The following MPDZ variants were observed in gnomAD, a reference collection of about 807,000 sequenced individuals.
MPDZ encodes the protein multiple PDZ domain crumbs cell polarity complex component.
A neutral mutation model predicts 239.1 loss-of-function variants in MPDZ; 234 were observed. The observed-to-expected ratio is 0.98, with a 90% confidence interval of 0.88 to 1.09. MPDZ has a LOEUF of 1.09. MPDZ is among the 50% of genes least tolerant of loss of function. The pLI, the probability that MPDZ is intolerant of heterozygous loss-of-function variation, is 0.00. For synonymous variants in MPDZ, 1,048 were observed against 881.3 expected (o/e 1.19, Z -3.35); for missense variants, 3,175 against 2,510.0 (o/e 1.26, Z -5.66).
At position 13,205,939 on chromosome 9, in the gene MPDZ, G is replaced by A. The variant is rs1956936426; in HGVS notation, c.1451C>T (p.Pro484Leu). The A allele has an allele frequency of 1.2e-6, 2 of 1,605,222 alleles. No homozygotes were observed. The highest frequency in any genetic ancestry group is 1.7e-6 in the Non-Finnish European group (2 of 1,176,026). The change falls in exon 11 of 47, where the codon CCT becomes CTT. Residue 484 changes from proline (P) to leucine (L), a missense_variant. Pro to Leu is a moderately conservative substitution (Grantham distance 98). Coordinates refer to ENST00000319217, the MANE Select transcript of MPDZ (RefSeq NM_001378778.1). ...ACCTTTGATTATGCTGGCATTAACA[G>A]GAGACAAATCTGCATCTTTTGTGAC... ...EDVTKDADLS[P>L]VNASIIKENY...
intron 3 of MPDZ, among the ~76,000 whole-genome samples, chr9:13,234,284 T>G (rs557249964): frequency 1.4e-4 from 21 of 152,218 alleles, no homozygotes; most frequent in African/African-American, 4.6e-4. Flanking sequence ...CATATATTCA[T>G]TTAACTAAAT....
intron 22 of MPDZ, among the ~76,000 whole-genome samples, chr9:13,163,998 G>A (rs1272080373): frequency 6.6e-6 from 1 of 152,152 alleles, no homozygotes; most frequent in African/African-American, 2.4e-5. Flanking sequence ...CACCACTGCT[G>A]AACCTCCATA....
At chr9:13,158,140 C>CA in intron 23 of MPDZ, 30 bp from the exon 24 acceptor site, 3 of 1,562,952 alleles carry the variant, frequency 1.9e-6, no homozygotes, top group Non-Finnish European at 2.6e-6. Flanking sequence ...ATGAGTACCC[C>CA]AAAATCCTAG....
chr9:13,123,375 G>C (rs1456913117), intron 35 of MPDZ, 77 bp from the exon 36 acceptor site: 3 of 1,268,562 alleles, frequency 2.4e-6, no homozygotes, highest in Non-Finnish European at 2.2e-6. Context: ...CACACAGATT[G>C]ACTCTGAGGG....
intron 4 of MPDZ, 44 bp from the exon 5 acceptor site, chr9:13,223,754 A>G (rs1959575936): frequency 6.5e-7 from 1 of 1,533,298 alleles, no homozygotes; most frequent in Non-Finnish European, 8.8e-7. Flanking sequence ...AAGCCAGGCC[A>G]TGCATGGTGG....
At chr9:13,212,248 G>C (rs951215477) in intron 10 of MPDZ, among the ~76,000 whole-genome samples, 4 of 151,668 alleles carry the variant, frequency 2.6e-5, no homozygotes, top group African/African-American at 7.3e-5. Context: ...TCAAATGACA[G>C]AGAATAATAC....
chr9:13,214,917 C>T (rs756680742), intron 10 of MPDZ, among the ~76,000 whole-genome samples: 7 of 151,804 alleles, frequency 4.6e-5, no homozygotes, highest in African/African-American at 1.2e-4. Flanking sequence ...AGAAGACTCA[C>T]GGAGTTATAA....
intron 12 of MPDZ, among the ~76,000 whole-genome samples, chr9:13,204,174 T>C (rs1053414960): frequency 6.6e-6 from 1 of 152,170 alleles, no homozygotes; most frequent in African/African-American, 2.4e-5. Flanking sequence ...AGATCAGTCT[T>C]GTATTCTGTT....
At chr9:13,133,768 A>G in intron 32 of MPDZ, 56 bp downstream of exon 32, 1 of 1,243,638 alleles carries the variant, frequency 8.0e-7, no homozygotes, top group Non-Finnish European at 1.2e-6. Flanking sequence ...ACAGTGAATT[A>G]GAACACTGAG....
rs1217138830 is a variant in MPDZ at position 13,241,831 on chromosome 9, A to C, written c.183+5804T>G. Among the ~76,000 whole-genome samples the C allele has an allele frequency of 2.6e-5, 4 of 152,202 alleles. No individual in the cohort carries two copies. In the South Asian group the frequency reaches 8.3e-4, roughly 32 times the overall value. On this transcript the variant is annotated intron_variant, in intron 3 of 46. Coordinates refer to ENST00000319217, the MANE Select transcript of MPDZ (RefSeq NM_001378778.1). ...GGCCATGAACTCTTCGCAGTCGTAC[A>C]AATCTGTATCTACAGAATAAAGACT...
intron 25 of MPDZ, among the ~76,000 whole-genome samples, chr9:13,149,099 TAA>T (rs967000023): frequency 1.3e-5 from 2 of 151,786 alleles, no homozygotes; most frequent in Admixed American, 6.6e-5. Flanking sequence ...GTGTCCTAAA[TAA>T]AAGAGTTCGT....
intron 18 of MPDZ, among the ~76,000 whole-genome samples, chr9:13,184,677 C>G (rs568509050): frequency 3.3e-5 from 5 of 151,832 alleles, no homozygotes; most frequent in African/African-American, 9.7e-5. Context: ...ATTAACTAAG[C>G]CTTGTGTCAT....
chr9:13,105,999 A>C lies in MPDZ; in HGVS notation c.*966T>G, dbSNP rs1008958324. 1 of 152,162 alleles carries C rather than the reference A, an allele frequency of 6.6e-6. No individual in the cohort carries two copies. The highest frequency in any genetic ancestry group is 2.4e-5 in the African/African-American group (1 of 41,442). 9.4% of individuals were successfully genotyped at this position (152,162 alleles called of 1,614,324 possible). A position where few individuals can be genotyped will look rare whatever the true frequency, so the allele number is the denominator to read the frequency against. On this transcript the variant is annotated 3_prime_UTR_variant, in exon 47 of 47. Transcript: ENST00000319217. Reference sequence around the variant, plus strand: ...TTATGTTAATCCCCTTAATTTTTCTATCAATTTACTAATGGCATACAACCA... The same window carrying C: ...TTATGTTAATCCCCTTAATTTTTCTCTCAATTTACTAATGGCATACAACCA...
At chr9:13,178,561 G>A (rs1460570669) in intron 19 of MPDZ, among the ~76,000 whole-genome samples, 2 of 152,114 alleles carry the variant, frequency 1.3e-5, no homozygotes, top group Non-Finnish European at 2.9e-5. Context: ...ATGCAATTCA[G>A]TTCTAATCAC....
chr9:13,181,830 C>T (rs1037745747), intron 19 of MPDZ, among the ~76,000 whole-genome samples: 3 of 152,148 alleles, frequency 2.0e-5, no homozygotes, highest in Non-Finnish European at 4.4e-5. Flanking sequence ...AAGACGTGTG[C>T]TATGCTGTGG....
intron 23 of MPDZ, among the ~76,000 whole-genome samples, chr9:13,159,245 A>C (rs561112884): frequency 6.6e-6 from 1 of 152,198 alleles, no homozygotes. Flanking sequence ...CTTGGACCTG[A>C]ATGTTAAGTT....
chr9:13,231,544 C>G (rs894411068), intron 3 of MPDZ, among the ~76,000 whole-genome samples: 1 of 151,870 alleles, frequency 6.6e-6, no homozygotes, highest in Non-Finnish European at 1.5e-5. Flanking sequence ...TGACAAAGAG[C>G]AACTCTATTT....
intron 19 of MPDZ, among the ~76,000 whole-genome samples, chr9:13,179,228 G>A (rs1952944513): frequency 6.6e-6 from 1 of 152,052 alleles, no homozygotes; most frequent in African/African-American, 2.4e-5. Context: ...ATAACCTGTT[G>A]GCTCCCTCAC....
intron 19 of MPDZ, among the ~76,000 whole-genome samples, chr9:13,178,743 T>G (rs1400985720): frequency 2.0e-5 from 3 of 152,210 alleles, no homozygotes; most frequent in Non-Finnish European, 4.4e-5. Flanking sequence ...AAAGTCTTTG[T>G]GATATACACT....
Sources: allele counts gnomAD v4.1 joint callset (sites outside exome capture counted in the v4.1 genomes callset), GRCh38; gene constraint gnomAD v4.1.1; transcripts MANE v1.5; gene names NCBI Gene and HGNC (gene_info 2026-07-23, HGNC 2026-07-21).